Variants in DHX9 observed in about 807,000 individuals in gnomAD.
The protein encoded by DHX9 is DExH-box helicase 9, also known as ATP-dependent RNA helicase A.
In DHX9, 27 loss-of-function variants were observed where a neutral mutation model predicts 148.7. The ratio of observed to expected loss-of-function variants is 0.18; its 90% CI spans 0.13 to 0.25. The LOEUF (loss-of-function observed/expected upper bound fraction) is 0.25, where lower values mean the gene tolerates loss of function less well. Among genes scored for constraint, DHX9 ranks in the 10% least tolerant of loss-of-function variants. The pLI, the probability that DHX9 is intolerant of heterozygous loss-of-function variation, is 1.00. For missense variants in DHX9, 796 were observed against 1,559.6 expected (o/e 0.51, Z 8.25); for synonymous variants, 529 against 516.6 (o/e 1.02, Z -0.33).
At chr1:182,851,123 T>C (rs1403689670) in intron 3 of DHX9, among the ~76,000 whole-genome samples, 2 of 152,134 alleles carry the variant, frequency 1.3e-5, no homozygotes, top group Non-Finnish European at 2.9e-5. Context: ...TTCTACTTTG[T>C]CTCCATAACC....
At position 182,879,243 on chromosome 1, in the gene DHX9, C is replaced by T. The variant is rs753100785; in HGVS notation, c.2352-7C>T. The T allele has an allele frequency of 1.2e-5, 17 of 1,448,402 alleles. No homozygotes were observed. The South Asian group carries it at 2.7e-4, about 23-fold the overall frequency. The allele number at this position is 1,448,402 out of a possible 1,614,324, so 89.7% of individuals were successfully genotyped here. On this transcript the variant is annotated splice_region_variant and splice_polypyrimidine_tract_variant and intron_variant, in intron 20 of 27. Coordinates refer to ENST00000367549, the MANE Select transcript of DHX9 (RefSeq NM_001357.5). Reference sequence around the variant, plus strand: ...AGGATGGTTATTTTATGCTTATTTTCTCTTAGACTTGAAACCCACATGACA... The same window carrying T: ...AGGATGGTTATTTTATGCTTATTTTTTCTTAGACTTGAAACCCACATGACA...
intron 3 of DHX9, among the ~76,000 whole-genome samples, chr1:182,843,999 C>G (rs1241921859): frequency 2.0e-5 from 3 of 152,216 alleles, no homozygotes; most frequent in African/African-American, 7.2e-5. Flanking sequence ...TGCACTGTCG[C>G]CCAGGCTGGA....
chr1:182,854,582 G>A (rs923587244), intron 6 of DHX9, among the ~76,000 whole-genome samples: 1 of 151,498 alleles, frequency 6.6e-6, no homozygotes, highest in Non-Finnish European at 1.5e-5. Flanking sequence ...AGATACTTAA[G>A]CTTTGAGTCC....
intron 20 of DHX9, among the ~76,000 whole-genome samples, chr1:182,878,617 A>G (rs73043176): frequency 0.014 from 2,160 of 152,322 alleles, 54 homozygotes; most frequent in African/African-American, 0.05. Context: ...GCTGTTGTTA[A>G]TTTATACAGG....
intron 21 of DHX9, 151 bp from the exon 22 acceptor site, chr1:182,880,346 A>T (rs1649031446): frequency 1.9e-6 from 1 of 522,024 alleles, no homozygotes; most frequent in Admixed American, 3.4e-5. Context: ...ATTTTTGAGT[A>T]CAGAGAATTG....
At chr1:182,871,280 TACTC>T (rs1254652260) in intron 14 of DHX9, among the ~76,000 whole-genome samples, 6 of 152,166 alleles carry the variant, frequency 3.9e-5, no homozygotes, top group Non-Finnish European at 7.4e-5. Flanking sequence ...AACATGGAGA[TACTC>T]AATCTCATTG....
chr1:182,864,676 C>T (rs1003631261), intron 12 of DHX9, among the ~76,000 whole-genome samples: 8 of 152,048 alleles, frequency 5.3e-5, no homozygotes, highest in East Asian at 1.9e-4. Context: ...AAAGAGATTG[C>T]GGGGTCATTT....
rs1369918057 is a variant in DHX9, at chr1:182,883,735, AACTT to A, written c.3260+102_3260+105del. The stretch of plus-strand genomic sequence containing the variant: ...ACTTAATTATATACTAATTATATCT[AACTT>A]AATTATATACTATATACTTAATCTT... On this transcript the variant is annotated intron_variant, in intron 26 of 27. Coordinates refer to ENST00000367549, the MANE Select transcript of DHX9 (RefSeq NM_001357.5). The A allele has an allele frequency of 3.1e-5, 23 of 740,516 alleles. No homozygotes were observed. The African/African-American group carries it at 3.5e-4, about 11-fold the overall frequency. 45.9% of individuals were successfully genotyped at this position (740,516 alleles called of 1,614,324 possible).
chr1:182,880,643 G>T (rs746904993), intron 22 of DHX9, 35 bp downstream of exon 22: 1 of 1,381,006 alleles, frequency 7.2e-7, no homozygotes, highest in South Asian at 1.2e-5. Flanking sequence ...TCGTTAAGTG[G>T]CAGAATAATT....
chr1:182,856,494 A>C (rs1161375421), intron 6 of DHX9, 38 bp from the exon 7 acceptor site: 1 of 1,598,014 alleles, frequency 6.3e-7, no homozygotes, highest in Non-Finnish European at 8.6e-7. Flanking sequence ...GGTTTCTAAC[A>C]GTGAAATTTC....
At chr1:182,851,130 A>C (rs75681552) in intron 3 of DHX9, among the ~76,000 whole-genome samples, 8,889 of 152,238 alleles carry the variant, frequency 0.058, 360 homozygotes, top group African/African-American at 0.12. Flanking sequence ...TTGTCTCCAT[A>C]ACCCCAACCT....
intron 3 of DHX9, among the ~76,000 whole-genome samples, chr1:182,846,075 A>C (rs925880565): frequency 6.6e-6 from 1 of 152,062 alleles, no homozygotes. Context: ...TCAGCCCTCT[A>C]ATCTTTCCTT....
At chr1:182,882,693 G>A (rs1040174749) in intron 24 of DHX9, among the ~76,000 whole-genome samples, 21 of 152,038 alleles carry the variant, frequency 1.4e-4, no homozygotes, top group African/African-American at 3.9e-4. Flanking sequence ...GGTGAAACCC[G>A]TCTCTACTAA....
chr1:182,858,766 A>T lies in DHX9; in HGVS notation c.934A>T (p.Ile312Phe). The change falls in exon 10 of 28, where the codon ATT (isoleucine) becomes TTT (phenylalanine). Residue 312 changes from isoleucine to phenylalanine, a missense_variant. By Grantham distance (21) the Ile-to-Phe change is conservative (BLOSUM62 0). Coordinates refer to ENST00000367549, the MANE Select transcript of DHX9 (RefSeq NM_001357.5). ...TCCTTCTGTGCCAGTTGCACTCAAC[A>T]TTGGCAAATTGGCTCAGTTCGAACC... ...EDPSVPVALN[I>F]GKLAQFEPSQ... 6.2e-7 allele frequency: 1 copy of T among 1,614,168 alleles called. No homozygotes were observed. Among genetic ancestry groups the T allele is most frequent in the East Asian group, 2.2e-5 (1 of 44,874 alleles).
intron 1 of DHX9, among the ~76,000 whole-genome samples, chr1:182,840,868 C>T (rs1211610548): frequency 4.6e-5 from 7 of 151,934 alleles, no homozygotes; most frequent in Non-Finnish European, 5.9e-5. Flanking sequence ...TTATGGAAAC[C>T]GAAATGTAGG....
chr1:182,843,538 A>G (rs1667969465), intron 3 of DHX9, 104 bp downstream of exon 3: 1 of 1,178,438 alleles, frequency 8.5e-7, no homozygotes, highest in Non-Finnish European at 1.1e-6. Flanking sequence ...TTTCAGATAT[A>G]TCGTGTTTCG....
Position 182,884,119 on chromosome 1 carries a change from A to T in DHX9, c.3260+484A>T, listed in dbSNP as rs1571323920. Among the ~76,000 whole-genome samples, 3 of 152,228 alleles carry T rather than the reference A, an allele frequency of 2.0e-5. No individual in the cohort carries two copies. In the South Asian group the frequency reaches 6.2e-4, roughly 32 times the overall value. On this transcript the variant is annotated intron_variant, in intron 26 of 27. Transcript: ENST00000367549. ...GAAACCTGTCTCTACGAAAAATCCA[A>T]AAAAATTAGCCCCGTGTGGTAGCGC...
intron 12 of DHX9, among the ~76,000 whole-genome samples, chr1:182,863,725 A>G (rs143095806): frequency 3.9e-5 from 6 of 152,256 alleles, no homozygotes; most frequent in African/African-American, 1.4e-4. Context: ...CACGTTAGGC[A>G]TTGTTTTCCC....
intron 24 of DHX9, among the ~76,000 whole-genome samples, chr1:182,882,017 T>C (rs1484961042): frequency 6.6e-6 from 1 of 152,186 alleles, no homozygotes; most frequent in Non-Finnish European, 1.5e-5. Flanking sequence ...CCAACTAGGT[T>C]AAAATATAGA....
Sources: allele counts gnomAD v4.1 joint callset (sites outside exome capture counted in the v4.1 genomes callset), GRCh38; gene constraint gnomAD v4.1.1; transcripts MANE v1.5; gene names NCBI Gene and HGNC (gene_info 2026-07-23, HGNC 2026-07-21).